ELOVL6: variants seen among roughly 807,000 people sequenced by gnomAD.
ELOVL6 encodes ELOVL fatty acid elongase 6, also known as very long chain fatty acid elongase 6.
ELOVL6 carries 8 observed loss-of-function variants against 31.7 expected under a neutral mutation model. The ratio of observed to expected loss-of-function variants is 0.25; its 90% CI spans 0.15 to 0.45. The LOEUF (loss-of-function observed/expected upper bound fraction) is 0.45. Among genes scored for constraint, ELOVL6 ranks in the 20% least tolerant of loss-of-function variants. ELOVL6 has a pLI of 1.00. For missense variants in ELOVL6, 126 were observed against 326.4 expected (o/e 0.39, Z 4.73); for synonymous variants, 101 against 117.7 (o/e 0.86, Z 0.92).
At chr4:110,168,740 G>C (rs1758852563) in intron 1 of ELOVL6, among the ~76,000 whole-genome samples, 1 of 152,122 alleles carries the variant, frequency 6.6e-6, no homozygotes, top group Admixed American at 6.5e-5. Context: ...AGGCAGTGTG[G>C]ACCTAGACTG....
intron 1 of ELOVL6, among the ~76,000 whole-genome samples, chr4:110,120,957 C>T (rs1239698876): frequency 4.6e-5 from 7 of 152,050 alleles, no homozygotes; most frequent in African/African-American, 4.8e-5. Flanking sequence ...CCTGCCACCA[C>T]GCCTGGCTAA....
In ELOVL6 at chr4:110,050,894, T is replaced by C. The variant is rs746041420; in HGVS notation, c.*444A>G. ...TTTGTCTTTTCTATTGGCTCCAGTT[T>C]AGTGTCCATAAAGTTAGAAAGGATT... is the stretch of plus-strand genomic sequence containing the variant. On this transcript the variant is annotated 3_prime_UTR_variant, in exon 4 of 4. Transcript: ENST00000302274. The C allele has an allele frequency of 1.2e-5, 2 of 166,674 alleles. No homozygotes were observed. The highest frequency in any genetic ancestry group is 4.8e-5 in the African/African-American group (2 of 41,566). The allele number at this position is 166,674 out of a possible 1,614,324, so 10.3% of individuals were successfully genotyped here.
chr4:110,052,252 T>C (rs1475565449), intron 3 of ELOVL6, among the ~76,000 whole-genome samples: 1 of 152,218 alleles, frequency 6.6e-6, no homozygotes, highest in African/African-American at 2.4e-5. Context: ...CAAAATGTTC[T>C]AAGGCTTCTC....
In ELOVL6 at chr4:110,048,134, TCC is replaced by T. The variant is rs1313999277; in HGVS notation, c.*3202_*3203del. On this transcript the variant is annotated 3_prime_UTR_variant, in exon 4 of 4. Coordinates refer to ENST00000302274, the MANE Select transcript of ELOVL6 (RefSeq NM_024090.3). ...TGTACATGTAAAGTATTCCCTCTTC[TCC>T]CCTTACTTTTGTAGTGGAGCATAAT... is the stretch of plus-strand genomic sequence containing the variant. The T allele has an allele frequency of 6.6e-6, 1 of 152,146 alleles. No individual in the cohort carries two copies. Among genetic ancestry groups the T allele is most frequent in the Non-Finnish European group, 1.5e-5 (1 of 68,020 alleles). 9.4% of individuals were successfully genotyped at this position (152,146 alleles called of 1,614,324 possible). A position where few individuals can be genotyped will look rare whatever the true frequency, so the allele number is the denominator to read the frequency against.
Position 110,048,701 on chromosome 4 carries a change from G to T in ELOVL6, c.*2637C>A, listed in dbSNP as rs965233779. 9.7e-6 allele frequency: 1 copy of T among 102,596 alleles called. No individual in the cohort carries two copies. Among genetic ancestry groups the T allele is most frequent in the Non-Finnish European group, 1.7e-5 (1 of 57,748 alleles). The allele number at this position is 102,596 out of a possible 1,614,324, so 6.4% of individuals were successfully genotyped here. ...ACCTATATTACCAAAATTTTGTTTTGTTTTGTTTTGTTTTAAAAAAAATGT... is the reference window on the plus strand; with the variant it reads ...ACCTATATTACCAAAATTTTGTTTTTTTTTGTTTTGTTTTAAAAAAAATGT... On this transcript the variant is annotated 3_prime_UTR_variant, in exon 4 of 4. Transcript: ENST00000302274.
At chr4:110,119,918 A>T (rs775800743) in intron 1 of ELOVL6, among the ~76,000 whole-genome samples, 3 of 152,190 alleles carry the variant, frequency 2.0e-5, no homozygotes, top group Non-Finnish European at 4.4e-5. Context: ...GCTGCATGTG[A>T]CTATGGTATG....
chr4:110,077,154 C>T (rs949392149), intron 2 of ELOVL6, among the ~76,000 whole-genome samples: 1 of 152,350 alleles, frequency 6.6e-6, no homozygotes, highest in South Asian at 2.1e-4. Flanking sequence ...GTAGACTCCA[C>T]CTCTGGGGGC....
chr4:110,081,830 T>C (rs568970223), intron 2 of ELOVL6, among the ~76,000 whole-genome samples: 25,211 of 133,046 alleles, frequency 0.19, 2,851 homozygotes, highest in Middle Eastern at 0.23. Flanking sequence ...GAGAAAATTT[T>C]TGCAATCTAC....
intron 1 of ELOVL6, among the ~76,000 whole-genome samples, chr4:110,193,237 T>C (rs185599132): frequency 3.3e-5 from 5 of 152,360 alleles, no homozygotes; most frequent in Admixed American, 3.3e-4. Context: ...TTATGTTCTT[T>C]AATCATGAAA....
chr4:110,103,839 A>G (rs766977332), intron 2 of ELOVL6, among the ~76,000 whole-genome samples: 3 of 152,224 alleles, frequency 2.0e-5, no homozygotes, highest in Admixed American at 1.3e-4. Context: ...GGAATCATTT[A>G]TGAGACAACT....
chr4:110,093,194 C>T (rs1027936790), intron 2 of ELOVL6: 6 of 373,154 alleles, frequency 1.6e-5, no homozygotes, highest in Non-Finnish European at 2.6e-5. Flanking sequence ...GTATTAACTG[C>T]ATTACAGAGA....
At chr4:110,123,910 G>A (rs1757421548) in intron 1 of ELOVL6, among the ~76,000 whole-genome samples, 2 of 152,160 alleles carry the variant, frequency 1.3e-5, no homozygotes, top group Non-Finnish European at 2.9e-5. Flanking sequence ...AAATGAGCAT[G>A]AAAGGATCTA....
intron 1 of ELOVL6, among the ~76,000 whole-genome samples, chr4:110,137,648 A>AT (rs968560516): frequency 6.6e-6 from 1 of 152,158 alleles, no homozygotes; most frequent in Non-Finnish European, 1.5e-5. Flanking sequence ...TAGAATGTGG[A>AT]TTTTTTTAAG....
chr4:110,107,489 A>G (rs1756920663), intron 1 of ELOVL6, among the ~76,000 whole-genome samples: 1 of 152,238 alleles, frequency 6.6e-6, no homozygotes, highest in Non-Finnish European at 1.5e-5. Flanking sequence ...AATATTCAGA[A>G]AAATATTATG....
chr4:110,057,892 G>C (rs753897343), intron 3 of ELOVL6, among the ~76,000 whole-genome samples: 7 of 149,076 alleles, frequency 4.7e-5, no homozygotes, highest in Non-Finnish European at 8.9e-5. Flanking sequence ...AACCCCAAGA[G>C]TAAAGAATAC....
At chr4:110,176,753 T>A (rs1397134690) in intron 1 of ELOVL6, among the ~76,000 whole-genome samples, 1 of 152,228 alleles carries the variant, frequency 6.6e-6, no homozygotes. Flanking sequence ...GTCATTATTT[T>A]TGAGATGGAG....
chr4:110,105,747 A>G (rs377322488), intron 1 of ELOVL6, 119 bp from the exon 2 acceptor site: 1 of 902,262 alleles, frequency 1.1e-6, no homozygotes. Flanking sequence ...TTCCTGCTTC[A>G]CTGAAGAGGG....
At position 110,050,325 on chromosome 4, in the gene ELOVL6, T is replaced by C. The variant is rs1312811229; in HGVS notation, c.*1013A>G. The C allele has an allele frequency of 6.6e-6, 1 of 152,644 alleles. No individual in the cohort carries two copies. Among genetic ancestry groups the C allele is most frequent in the East Asian group, 1.9e-4 (1 of 5,200 alleles). The allele number at this position is 152,644 out of a possible 1,614,324, so 9.5% of individuals were successfully genotyped here. ...GTGTGAAGTCAAACAGGGAGGGGCA[T>C]ACACACCATCTGTCTGTCGAATTGA... On this transcript the variant is annotated 3_prime_UTR_variant, in exon 4 of 4. Transcript: ENST00000302274.
chr4:110,084,265 TATGTG>T (rs1756094214), intron 2 of ELOVL6, among the ~76,000 whole-genome samples: 3 of 135,680 alleles, frequency 2.2e-5, no homozygotes, highest in African/African-American at 8.3e-5. Flanking sequence ...ATATAGCTTA[TATGTG>T]ATATATAACA....
Sources: gnomAD v4.1 joint callset for allele counts (sites outside exome capture counted in the v4.1 genomes callset) on GRCh38, gnomAD v4.1.1 for gene constraint, MANE v1.5 for transcripts, NCBI Gene and HGNC (gene_info 2026-07-23, HGNC 2026-07-21) for gene names.